LRRC4C: variants seen among roughly 807,000 people sequenced by gnomAD.
LRRC4C encodes the protein leucine rich repeat containing 4C.
Under a neutral mutation model 33.6 loss-of-function variants are expected in LRRC4C, and 5 were observed. That is an observed-to-expected ratio of 0.15 (90% confidence interval 0.08 to 0.31). The LOEUF (loss-of-function observed/expected upper bound fraction) is 0.31. LRRC4C is among the 10% of genes least tolerant of loss of function. The pLI, the probability that LRRC4C is intolerant of heterozygous loss-of-function variation, is 1.00. For missense variants in LRRC4C, 560 were observed against 796.7 expected, an observed-to-expected ratio of 0.70 and a Z score of 3.58; for synonymous variants, 329 against 302.0, an observed-to-expected ratio of 1.09 and a Z score of -0.93.
At chr11:40,588,407 T>A (rs1339629656) in intron 3 of LRRC4C, among the ~76,000 whole-genome samples, 1 of 152,182 alleles carries the variant, frequency 6.6e-6, no homozygotes, top group Non-Finnish European at 1.5e-5. Flanking sequence ...ATCTATTTTG[T>A]TGATCCTTTC....
rs539141305 is a variant in LRRC4C at position 40,910,475 on chromosome 11, T to C, written c.-407+23160A>G. Among the ~76,000 whole-genome samples the C allele has an allele frequency of 1.6e-4, 25 of 152,314 alleles. No homozygotes were observed. In the South Asian group the frequency reaches 4.8e-3, roughly 29 times the overall value. On this transcript the variant is annotated intron_variant, in intron 2 of 6. Coordinates refer to ENST00000528697, the MANE Select transcript of LRRC4C (RefSeq NM_001258419.2). ...AATGTAGCTTTAATGTCACTTGATA[T>C]TGTGGTCTAAAAAAGCAAATACGCC...
chr11:40,122,864 A>T (rs1855925790), intron 6 of LRRC4C, among the ~76,000 whole-genome samples: 1 of 149,242 alleles, frequency 6.7e-6, no homozygotes, highest in Non-Finnish European at 1.5e-5. Flanking sequence ...GCAAAAACAA[A>T]ACAAAACAAA....
chr11:40,544,600 C>T (rs904559466), intron 3 of LRRC4C, among the ~76,000 whole-genome samples: 1 of 152,080 alleles, frequency 6.6e-6, no homozygotes, highest in African/African-American at 2.4e-5. Flanking sequence ...TTCAGGGAAT[C>T]ACATTTCTTC....
At chr11:41,184,258 T>C (rs1945587623) in intron 1 of LRRC4C, among the ~76,000 whole-genome samples, 1 of 152,096 alleles carries the variant, frequency 6.6e-6, no homozygotes, top group Admixed American at 6.5e-5. Flanking sequence ...AAAATGCGTT[T>C]TTTTTTTTCC....
chr11:41,137,014 G>A (rs974121549), intron 1 of LRRC4C, among the ~76,000 whole-genome samples: 2 of 151,990 alleles, frequency 1.3e-5, no homozygotes, highest in Admixed American at 6.5e-5. Context: ...TTAGGAGGCC[G>A]AGGCAGGTGA....
At chr11:40,343,778 G>A (rs1946990590) in intron 3 of LRRC4C, among the ~76,000 whole-genome samples, 1 of 144,742 alleles carries the variant, frequency 6.9e-6, no homozygotes, top group Non-Finnish European at 1.5e-5. Flanking sequence ...CAAAAAGAGA[G>A]AAGATCCAAA....
chr11:41,014,444 ATG>A (rs1177187038), intron 1 of LRRC4C, among the ~76,000 whole-genome samples: 1 of 151,000 alleles, frequency 6.6e-6, no homozygotes, highest in Non-Finnish European at 1.5e-5. Context: ...AGCACAGTGC[ATG>A]TGTGTTGTTG....
intron 5 of LRRC4C, among the ~76,000 whole-genome samples, chr11:40,167,428 T>A (rs377168195): frequency 6.6e-6 from 1 of 152,164 alleles, no homozygotes; most frequent in African/African-American, 2.4e-5. Context: ...ATGTTTGTAA[T>A]CATGTGATTT....
chr11:40,809,382 T>C lies in LRRC4C; in HGVS notation c.-407+124253A>G, dbSNP rs967733167. ...TTGCATTCTCCTTTGCCTGTGCCTATTTTTCACACAGATATCACTATTTCT... is the reference window on the plus strand; with the variant it reads ...TTGCATTCTCCTTTGCCTGTGCCTACTTTTCACACAGATATCACTATTTCT... On this transcript the variant is annotated intron_variant, in intron 2 of 6. Coordinates refer to ENST00000528697, the MANE Select transcript of LRRC4C (RefSeq NM_001258419.2). Among the ~76,000 whole-genome samples, 6 of 152,328 alleles carry C rather than the reference T, an allele frequency of 3.9e-5. No homozygotes were observed. In the East Asian group the frequency reaches 1.2e-3, roughly 29 times the overall value.
intron 1 of LRRC4C, among the ~76,000 whole-genome samples, chr11:41,048,260 C>T (rs1304329077): frequency 2.0e-4 from 21 of 107,052 alleles, no homozygotes; most frequent in East Asian, 8.2e-4. Context: ...AGATTCTTTA[C>T]TTTTTTTTTT....
intron 1 of LRRC4C, among the ~76,000 whole-genome samples, chr11:41,279,994 A>C (rs1452115576): frequency 6.6e-6 from 1 of 152,016 alleles, no homozygotes; most frequent in Non-Finnish European, 1.5e-5. Context: ...TCCTCTGTTT[A>C]ATGGTGTCGT....
intron 2 of LRRC4C, among the ~76,000 whole-genome samples, chr11:40,822,149 A>T (rs889359772): frequency 1.3e-5 from 2 of 151,546 alleles, no homozygotes; most frequent in African/African-American, 4.8e-5. Context: ...ACCAATCTTC[A>T]CCCCACAACT....
chr11:41,053,416 A>C (rs1423687422), intron 1 of LRRC4C, among the ~76,000 whole-genome samples: 1 of 152,212 alleles, frequency 6.6e-6, no homozygotes, highest in African/African-American at 2.4e-5. Context: ...GTCAATATCC[A>C]TATGAACTTG....
At position 41,089,171 on chromosome 11, in the gene LRRC4C, CAG is replaced by C. The variant is rs1296573889; in HGVS notation, c.-495-155450_-495-155449del. On this transcript the variant is annotated intron_variant, in intron 1 of 6. Coordinates refer to ENST00000528697, the MANE Select transcript of LRRC4C (RefSeq NM_001258419.2). ...CCAGCTCCAGTCAATAGAGATTTAA[CAG>C]AGTTTCTTGTTCACTTTCTATACTT... 1.5e-4 allele frequency among the ~76,000 whole-genome samples: 23 copies of C among 152,132 alleles called. No individual in the cohort carries two copies. In the South Asian group the frequency reaches 4.6e-3, roughly 30 times the overall value.
At chr11:41,126,612 TA>T (rs1243309721) in intron 1 of LRRC4C, among the ~76,000 whole-genome samples, 1 of 152,018 alleles carries the variant, frequency 6.6e-6, no homozygotes, top group Non-Finnish European at 1.5e-5. Flanking sequence ...TTTAAGCTAT[TA>T]GGTAGCCCTT....
chr11:41,323,354 A>G (rs955441908), intron 1 of LRRC4C, among the ~76,000 whole-genome samples: 2 of 152,226 alleles, frequency 1.3e-5, no homozygotes, highest in African/African-American at 4.8e-5. Flanking sequence ...GATGAGAGAT[A>G]GTTGAAATCA....
chr11:40,724,410 T>C (rs1947184849), intron 2 of LRRC4C, among the ~76,000 whole-genome samples: 1 of 152,144 alleles, frequency 6.6e-6, no homozygotes, highest in Non-Finnish European at 1.5e-5. Flanking sequence ...AAGCATACTA[T>C]TGAGCCAGAG....
chr11:41,429,052 A>G (rs1007949555), intron 1 of LRRC4C, among the ~76,000 whole-genome samples: 5 of 152,136 alleles, frequency 3.3e-5, no homozygotes, highest in African/African-American at 1.2e-4. Flanking sequence ...ATATCATGGG[A>G]GGGAACCAGT....
chr11:41,091,238 T>C (rs986707788), intron 1 of LRRC4C, among the ~76,000 whole-genome samples: 1 of 151,906 alleles, frequency 6.6e-6, no homozygotes, highest in Non-Finnish European at 1.5e-5. Context: ...GGAAGTTTAG[T>C]GATATGTTTC....
Sources: allele counts gnomAD v4.1 joint callset (sites outside exome capture counted in the v4.1 genomes callset), GRCh38; gene constraint gnomAD v4.1.1; transcripts MANE v1.5; gene names NCBI Gene and HGNC (gene_info 2026-07-23, HGNC 2026-07-21).